The following ADGRB3 variants were observed in gnomAD, a reference collection of about 807,000 sequenced individuals.
ADGRB3 encodes the protein brain-specific angiogenesis inhibitor 3.
ADGRB3 carries 37 observed loss-of-function variants against 193.4 expected under a neutral mutation model. That is an observed-to-expected ratio of 0.19 (90% CI 0.15 to 0.25). The LOEUF (loss-of-function observed/expected upper bound fraction) is 0.25, where lower values mean the gene tolerates loss of function less well. Ranked by LOEUF, ADGRB3 falls within the 10% of genes least tolerant of loss-of-function variation. The pLI is 1.00. For synonymous variants in ADGRB3, 690 were observed against 644.2 expected, an observed-to-expected ratio of 1.07 and a Z score of -1.08; for missense variants, 1,637 against 1,852.9, an observed-to-expected ratio of 0.88 and a Z score of 2.14.
chr6:69,014,666 A>G (rs780328858), intron 12 of ADGRB3, among the ~76,000 whole-genome samples: 3 of 152,010 alleles, frequency 2.0e-5, no homozygotes, highest in Non-Finnish European at 2.9e-5. Flanking sequence ...CATTTGTGGT[A>G]TCCTAACTGA....
chr6:69,058,026 T>C (rs1053487354), intron 15 of ADGRB3, among the ~76,000 whole-genome samples: 3 of 151,984 alleles, frequency 2.0e-5, no homozygotes, highest in Non-Finnish European at 4.4e-5. Context: ...TATTCTTCTT[T>C]AAATGTATCA....
At chr6:69,027,813 A>G (rs1770482454) in intron 13 of ADGRB3, among the ~76,000 whole-genome samples, 1 of 152,214 alleles carries the variant, frequency 6.6e-6, no homozygotes, top group Non-Finnish European at 1.5e-5. Context: ...GTAGGTAGAA[A>G]TAGAGTGTGG....
chr6:68,886,266 A>G (rs1765904440), intron 3 of ADGRB3, among the ~76,000 whole-genome samples: 1 of 152,046 alleles, frequency 6.6e-6, no homozygotes, highest in Admixed American at 6.5e-5. Flanking sequence ...TCATTAACCA[A>G]TATTTTACCT....
intron 10 of ADGRB3, among the ~76,000 whole-genome samples, chr6:68,980,625 C>A (rs1768882060): frequency 6.6e-6 from 1 of 151,420 alleles, no homozygotes; most frequent in South Asian, 2.1e-4. Context: ...ATGTATTGAG[C>A]TAAAAAGTAT....
intron 3 of ADGRB3, among the ~76,000 whole-genome samples, chr6:68,651,445 C>A (rs185503284): frequency 6.6e-6 from 1 of 152,182 alleles, no homozygotes; most frequent in East Asian, 1.9e-4. Context: ...TTCTAATGAT[C>A]ATACTTTGGT....
chr6:69,156,131 CT>C (rs1774832360), intron 17 of ADGRB3, among the ~76,000 whole-genome samples: 2 of 152,182 alleles, frequency 1.3e-5, no homozygotes, highest in African/African-American at 4.8e-5. Context: ...AAATGAGAAA[CT>C]TTTTTTCAAT....
At chr6:69,137,835 C>T (rs56026851) in intron 17 of ADGRB3, among the ~76,000 whole-genome samples, 3,253 of 152,174 alleles carry the variant, frequency 0.021, 46 homozygotes, top group Non-Finnish European at 0.033. Context: ...TAAAGGTGTA[C>T]GATGCCTAAA....
intron 20 of ADGRB3, among the ~76,000 whole-genome samples, chr6:69,255,315 G>C (rs911346449): frequency 1.3e-5 from 2 of 152,070 alleles, no homozygotes; most frequent in African/African-American, 2.4e-5. Flanking sequence ...CTAGTTTACA[G>C]TCCCACCAAC....
At chr6:69,242,902 G>A (rs1279365231) in intron 20 of ADGRB3, among the ~76,000 whole-genome samples, 1 of 151,856 alleles carries the variant, frequency 6.6e-6, no homozygotes, top group African/African-American at 2.4e-5. Flanking sequence ...ATGCATTTGT[G>A]TTTTTGTTGT....
At position 69,120,400 on chromosome 6, in the gene ADGRB3, G is replaced by T. The variant is rs562742404; in HGVS notation, c.2480+44362G>T. ...CTGGGTGATTCTGGTACACACTCAAGTTTGAGAAACACTGTATATCATCTC... is the reference window on the plus strand; with the variant it reads ...CTGGGTGATTCTGGTACACACTCAATTTTGAGAAACACTGTATATCATCTC... On this transcript the variant is annotated intron_variant, in intron 17 of 31. Transcript: ENST00000370598. Among the ~76,000 whole-genome samples the T allele has an allele frequency of 2.6e-5, 4 of 152,338 alleles. No homozygotes were observed. The East Asian group carries it at 7.7e-4, about 29-fold the overall frequency.
At chr6:68,872,902 T>C (rs1230264447) in intron 3 of ADGRB3, among the ~76,000 whole-genome samples, 1 of 152,150 alleles carries the variant, frequency 6.6e-6, no homozygotes, top group African/African-American at 2.4e-5. Context: ...TGTATTTTTT[T>C]GTTGCTGATC....
chr6:69,330,528 G>A lies in ADGRB3; in HGVS notation c.3058G>A (p.Gly1020Arg), dbSNP rs1441584665. ...CAGCTGCTGGCTCTCTCTTGAAGGAGGACTACTCTATGCTTTTGTGGGACC... is the reference window on the plus strand; with the variant it reads ...CAGCTGCTGGCTCTCTCTTGAAGGAAGACTACTCTATGCTTTTGTGGGACC... ...DHYCWLSLEG[G>R]LLYAFVGPAA... is the part of the protein sequence containing the mutation. Residue 1020 changes from glycine to arginine, a missense_variant, in exon 23 of 32, where the codon GGA (glycine) becomes AGA (arginine). Around this residue, in one of 7 missense-constraint regions of ADGRB3, gnomAD observed 87 missense variants for 161.0 expected, o/e 0.54. Transcript: ENST00000370598. 6.2e-7 allele frequency: 1 copy of A among 1,607,782 alleles called. No homozygotes were observed. Among genetic ancestry groups the A allele is most frequent in the South Asian group, 1.1e-5 (1 of 89,882 alleles).
In ADGRB3 at chr6:68,869,432, C is replaced by CT. The variant is rs1265813157; in HGVS notation, c.758-61126dup. Among the ~76,000 whole-genome samples, 6 of 152,106 alleles carry CT rather than the reference C, an allele frequency of 3.9e-5. No individual in the cohort carries two copies. The South Asian group carries it at 6.3e-4, about 16-fold the overall frequency. On this transcript the variant is annotated intron_variant, in intron 3 of 31. Transcript: ENST00000370598. ...TTCAAATTTAGAGTGATAATTATAT[C>CT]TACAGAAGCTTAAATTTTCTGGACA...
At chr6:68,963,823 A>C (rs1768300380) in intron 8 of ADGRB3, among the ~76,000 whole-genome samples, 1 of 152,016 alleles carries the variant, frequency 6.6e-6, no homozygotes, top group African/African-American at 2.4e-5. Flanking sequence ...AATTTGTTTG[A>C]TATTTCCTTA....
intron 3 of ADGRB3, among the ~76,000 whole-genome samples, chr6:68,734,011 TA>T (rs1765826657): frequency 6.6e-6 from 1 of 151,928 alleles, no homozygotes; most frequent in South Asian, 2.1e-4. Flanking sequence ...TAAAAAAGTT[TA>T]AAAATAATAA....
intron 20 of ADGRB3, among the ~76,000 whole-genome samples, chr6:69,318,385 G>T (rs1768364641): frequency 6.6e-6 from 1 of 151,180 alleles, no homozygotes. Context: ...ATTATGGGGA[G>T]GTCATTTTTG....
intron 17 of ADGRB3, among the ~76,000 whole-genome samples, chr6:69,148,831 T>C (rs905433098): frequency 2.1e-4 from 32 of 152,302 alleles, no homozygotes; most frequent in Non-Finnish European, 4.4e-4. Context: ...AAGTTTTGTT[T>C]CCTTCGGCAC....
chr6:68,666,916 T>G (rs1768815783), intron 3 of ADGRB3, among the ~76,000 whole-genome samples: 1 of 151,724 alleles, frequency 6.6e-6, no homozygotes, highest in African/African-American at 2.4e-5. Context: ...AAAAGTATCA[T>G]ATCCAAATTA....
chr6:69,189,806 G>A (rs73467790), intron 17 of ADGRB3, among the ~76,000 whole-genome samples: 1,883 of 152,228 alleles, frequency 0.012, 48 homozygotes, highest in African/African-American at 0.041. Flanking sequence ...GAATAGAAAG[G>A]TCCTTTGCAG....
Sources: allele counts gnomAD v4.1 joint callset (sites outside exome capture counted in the v4.1 genomes callset), GRCh38; gene constraint gnomAD v4.1.1; regional missense constraint gnomAD v4.1.1; transcripts MANE v1.5; gene names NCBI Gene and HGNC (gene_info 2026-07-23, HGNC 2026-07-21).